Variants in ADGRB3 observed in about 807,000 individuals in gnomAD.
ADGRB3 encodes adhesion G protein-coupled receptor B3.
A neutral mutation model predicts 193.4 loss-of-function variants in ADGRB3; 37 were observed. The observed-to-expected ratio is 0.19, with a 90% confidence interval of 0.15 to 0.25. ADGRB3 has a LOEUF of 0.25. ADGRB3 is among the 10% of genes least tolerant of loss of function. The pLI, the probability that ADGRB3 is intolerant of heterozygous loss-of-function variation, is 1.00. For missense variants in ADGRB3, 1,637 were observed against 1,852.9 expected, an observed-to-expected ratio of 0.88 and a Z score of 2.14; for synonymous variants, 690 against 644.2, an observed-to-expected ratio of 1.07 and a Z score of -1.08.
At chr6:68,921,455 G>A (rs2150242386) in intron 3 of ADGRB3, among the ~76,000 whole-genome samples, 1 of 152,288 alleles carries the variant, frequency 6.6e-6, no homozygotes, top group Non-Finnish European at 1.5e-5. Flanking sequence ...ATGAAGAAGA[G>A]TTAACGTCTG....
intron 17 of ADGRB3, among the ~76,000 whole-genome samples, chr6:69,116,816 A>G (rs1422615585): frequency 6.6e-6 from 1 of 152,232 alleles, no homozygotes; most frequent in African/African-American, 2.4e-5. Context: ...GTGAAGGCAC[A>G]TTATGAAAGT....
At chr6:69,326,017 G>A (rs1228537686) in intron 21 of ADGRB3, among the ~76,000 whole-genome samples, 3 of 152,116 alleles carry the variant, frequency 2.0e-5, no homozygotes, top group African/African-American at 4.8e-5. Flanking sequence ...GAGCGCGGGT[G>A]GACTACCTGA....
At chr6:68,739,567 C>T (rs1186364127) in intron 3 of ADGRB3, among the ~76,000 whole-genome samples, 1 of 152,018 alleles carries the variant, frequency 6.6e-6, no homozygotes, top group Non-Finnish European at 1.5e-5. Flanking sequence ...AGGTGATAGA[C>T]ATGATGGTGA....
intron 3 of ADGRB3, among the ~76,000 whole-genome samples, chr6:68,802,214 G>A (rs942934065): frequency 4.1e-5 from 6 of 145,470 alleles, no homozygotes; most frequent in African/African-American, 1.3e-4. Flanking sequence ...GTGTGTGTAT[G>A]TGTGTGTGTG....
intron 3 of ADGRB3, among the ~76,000 whole-genome samples, chr6:68,906,134 T>C (rs1254539987): frequency 1.3e-5 from 2 of 151,982 alleles, no homozygotes; most frequent in Admixed American, 1.3e-4. Context: ...AGGAGCTTTT[T>C]TGATTGCCAT....
chr6:69,201,683 ATTATAACCACATGGGTCTCAATG>A (rs1444371369), intron 17 of ADGRB3, among the ~76,000 whole-genome samples: 2 of 152,054 alleles, frequency 1.3e-5, no homozygotes, highest in Non-Finnish European at 2.9e-5. Context: ...CTGTTCCAGG[ATTATAACCACATGGGTCTCAATG>A]TTATTAGGTC....
chr6:69,316,033 A>AT (rs534955041), intron 20 of ADGRB3, among the ~76,000 whole-genome samples: 84 of 151,252 alleles, frequency 5.6e-4, no homozygotes, highest in Non-Finnish European at 8.6e-4. Context: ...TATCCCATTA[A>AT]TTTTTTTATA....
chr6:69,375,905 T>C (rs1241947662), intron 30 of ADGRB3, among the ~76,000 whole-genome samples: 1 of 151,888 alleles, frequency 6.6e-6, no homozygotes, highest in Non-Finnish European at 1.5e-5. Flanking sequence ...ATCGTGCCGC[T>C]GCCCTCCAGT....
intron 17 of ADGRB3, among the ~76,000 whole-genome samples, chr6:69,160,153 A>G (rs1225435642): frequency 6.6e-6 from 1 of 152,136 alleles, no homozygotes; most frequent in Admixed American, 6.6e-5. Context: ...TAGATTATTC[A>G]TAACATATCA....
chr6:68,655,127 A>G (rs781218608), intron 3 of ADGRB3, among the ~76,000 whole-genome samples: 5 of 150,754 alleles, frequency 3.3e-5, no homozygotes, highest in African/African-American at 7.3e-5. Flanking sequence ...TCTCACAGCT[A>G]TAAATTCAGT....
chr6:68,815,638 T>TGTGTGTGTGTGTGTGTGGGTGG (rs146536913), intron 3 of ADGRB3, among the ~76,000 whole-genome samples: 2 of 149,408 alleles, frequency 1.3e-5, no homozygotes, highest in Non-Finnish European at 3.0e-5. Flanking sequence ...TGTGTGTGTG[T>TGTGTGTGTGTGTGTGTGGGTGG]GTGCATGTAG....
At chr6:68,900,774 G>A (rs1281681436) in intron 3 of ADGRB3, among the ~76,000 whole-genome samples, 1 of 152,036 alleles carries the variant, frequency 6.6e-6, no homozygotes, top group Non-Finnish European at 1.5e-5. Context: ...CTAGTCCCCT[G>A]GAGCATCAAC....
chr6:68,865,406 C>T (rs1042803789), intron 3 of ADGRB3, among the ~76,000 whole-genome samples: 3 of 152,098 alleles, frequency 2.0e-5, no homozygotes, highest in Non-Finnish European at 4.4e-5. Flanking sequence ...TCTTGCCTCA[C>T]CTCTCTCTTC....
chr6:68,865,836 C>A (rs1208517854), intron 3 of ADGRB3, among the ~76,000 whole-genome samples: 1 of 152,170 alleles, frequency 6.6e-6, no homozygotes, highest in Non-Finnish European at 1.5e-5. Flanking sequence ...AACTATTACC[C>A]AAGCAGATAT....
At chr6:69,201,289 C>T (rs1765412231) in intron 17 of ADGRB3, among the ~76,000 whole-genome samples, 1 of 152,112 alleles carries the variant, frequency 6.6e-6, no homozygotes, top group Non-Finnish European at 1.5e-5. Context: ...CCCCTCTCTC[C>T]CCACCTTGCC....
At chr6:68,772,049 A>T (rs2127356509) in intron 3 of ADGRB3, among the ~76,000 whole-genome samples, 1 of 152,284 alleles carries the variant, frequency 6.6e-6, no homozygotes, top group South Asian at 2.1e-4. Flanking sequence ...ACAATGGAAT[A>T]TTGCTTTACC....
intron 17 of ADGRB3, among the ~76,000 whole-genome samples, chr6:69,079,754 A>T (rs912648482): frequency 2.0e-5 from 3 of 152,054 alleles, no homozygotes; most frequent in Admixed American, 2.0e-4. Flanking sequence ...CATTTCCTGG[A>T]AAACCTATAA....
chr6:68,803,703 T>C (rs944084362), intron 3 of ADGRB3, among the ~76,000 whole-genome samples: 1 of 152,204 alleles, frequency 6.6e-6, no homozygotes, highest in Non-Finnish European at 1.5e-5. Context: ...CTCAAACCAA[T>C]GCCATGTTGC....
intron 3 of ADGRB3, among the ~76,000 whole-genome samples, chr6:68,817,342 TATATATATATA>T (rs1247656751): frequency 1.7e-4 from 18 of 108,168 alleles, no homozygotes; most frequent in African/African-American, 8.5e-4. Flanking sequence ...TATATATATA[TATATATATATA>T]TATATATAAT....
Sources: allele counts gnomAD v4.1 joint callset (sites outside exome capture counted in the v4.1 genomes callset), GRCh38; gene constraint gnomAD v4.1.1; transcripts MANE v1.5; gene names NCBI Gene and HGNC (gene_info 2026-07-23, HGNC 2026-07-21).